PRDM2: variants seen among roughly 807,000 people sequenced by gnomAD.
PRDM2 encodes PR/SET domain 2, also known as PR domain zinc finger protein 2.
Under a neutral mutation model 130.0 loss-of-function variants are expected in PRDM2, and 30 were observed. That is an observed-to-expected ratio of 0.23 (90% CI 0.17 to 0.31). PRDM2 has a LOEUF of 0.31. Ranked by LOEUF, PRDM2 falls within the 10% of genes least tolerant of loss-of-function variation. The pLI is 1.00. For synonymous variants in PRDM2, 871 were observed against 782.4 expected, an observed-to-expected ratio of 1.11 and a Z score of -1.89; for missense variants, 2,011 against 2,108.4, an observed-to-expected ratio of 0.95 and a Z score of 0.90.
At chr1:13,817,183 G>A (rs138619164) in intron 9 of PRDM2, among the ~76,000 whole-genome samples, 18 of 152,292 alleles carry the variant, frequency 1.2e-4, no homozygotes, top group Admixed American at 8.5e-4. Context: ...TCATTGGAGC[G>A]TTTCAGGTTT....
At chr1:13,790,892 T>A (rs1458469786) in intron 8 of PRDM2, among the ~76,000 whole-genome samples, 2 of 152,054 alleles carry the variant, frequency 1.3e-5, no homozygotes, top group East Asian at 3.9e-4. Flanking sequence ...CTGAGAAGCT[T>A]TAGGGTGGAT....
At chr1:13,760,268 A>T (rs557008026) in intron 6 of PRDM2, among the ~76,000 whole-genome samples, 1 of 152,252 alleles carries the variant, frequency 6.6e-6, no homozygotes, top group African/African-American at 2.4e-5. Context: ...GAATTGGTGA[A>T]CTTTGTTTTC....
chr1:13,810,547 T>G (rs929233638), intron 8 of PRDM2, among the ~76,000 whole-genome samples: 1 of 151,324 alleles, frequency 6.6e-6, no homozygotes, highest in Non-Finnish European at 1.5e-5. Flanking sequence ...CAGGCTGGAG[T>G]GCAGTGGCAC....
intron 6 of PRDM2, among the ~76,000 whole-genome samples, chr1:13,761,032 T>G (rs141545521): frequency 6.6e-6 from 1 of 152,382 alleles, no homozygotes; most frequent in Non-Finnish European, 1.5e-5. Flanking sequence ...ATTCTTCATG[T>G]GCAAGAAACC....
At chr1:13,754,184 C>T (rs570221934) in intron 6 of PRDM2, among the ~76,000 whole-genome samples, 4 of 152,154 alleles carry the variant, frequency 2.6e-5, no homozygotes, top group African/African-American at 4.8e-5. Flanking sequence ...TAGAAACCTA[C>T]ATGAGTATTT....
At chr1:13,788,315 G>A (rs889165284) in intron 8 of PRDM2, among the ~76,000 whole-genome samples, 2 of 152,210 alleles carry the variant, frequency 1.3e-5, no homozygotes, top group Admixed American at 1.3e-4. Context: ...GAAGTACCTT[G>A]TGAACTCACT....
intron 4 of PRDM2, among the ~76,000 whole-genome samples, chr1:13,736,745 C>T (rs1468494119): frequency 6.6e-6 from 1 of 151,250 alleles, no homozygotes; most frequent in Non-Finnish European, 1.5e-5. Context: ...TTCTTGCCAG[C>T]CTTTTAAAAT....
chr1:13,752,169 C>T (rs913093206), intron 6 of PRDM2, among the ~76,000 whole-genome samples: 1 of 152,172 alleles, frequency 6.6e-6, no homozygotes, highest in East Asian at 1.9e-4. Flanking sequence ...AATAAATATT[C>T]ATTGATTGGC....
intron 6 of PRDM2, among the ~76,000 whole-genome samples, chr1:13,752,295 A>G (rs190943194): frequency 6.6e-6 from 1 of 152,236 alleles, no homozygotes; most frequent in Non-Finnish European, 1.5e-5. Flanking sequence ...ATGGATATAC[A>G]TCAGCATTTT....
intron 8 of PRDM2, chr1:13,787,357 A>G: frequency 1.0e-6 from 1 of 985,096 alleles, no homozygotes; most frequent in Non-Finnish European, 1.2e-6. Context: ...GATTAAAAAC[A>G]ACAAATTGGC....
rs144820187 is a variant in PRDM2 at position 13,782,434 on chromosome 1, C to A, written c.4639C>A (p.Pro1547Thr). The change falls in exon 8 of 10, where the codon CCC becomes ACC. Residue 1547 changes from proline to threonine, a missense_variant. By Grantham distance (38) the Pro-to-Thr change is conservative. Transcript: ENST00000311066. Reference protein sequence around the residue: ...RSSGPTQVPLPSSSFRSKQNV... With the variant: ...RSSGPTQVPLTSSSFRSKQNV... The stretch of plus-strand genomic sequence containing the variant: ...CTCAGGCCCCACCCAAGTCCCACTT[C>A]CCTCCTCATCCTTCAGGTCCAAGCA... The A allele has an allele frequency of 1.5e-5, 24 of 1,614,048 alleles. No individual in the cohort carries two copies. Among genetic ancestry groups the A allele is most frequent in the Non-Finnish European group, 2.0e-5 (24 of 1,180,026 alleles).
At chr1:13,703,142 G>A (rs1343089088) in intron 1 of PRDM2, among the ~76,000 whole-genome samples, 1 of 152,238 alleles carries the variant, frequency 6.6e-6, no homozygotes, top group Non-Finnish European at 1.5e-5. Context: ...TTTATGGAGT[G>A]TCTGAAAGCT....
chr1:13,797,739 G>A (rs920081432), intron 8 of PRDM2, among the ~76,000 whole-genome samples: 5 of 152,066 alleles, frequency 3.3e-5, no homozygotes, highest in South Asian at 2.1e-4. Context: ...AAATCACCTG[G>A]GTGATTAAAA....
At chr1:13,755,764 G>A (rs1052327892) in intron 6 of PRDM2, among the ~76,000 whole-genome samples, 18 of 151,836 alleles carry the variant, frequency 1.2e-4, no homozygotes, top group Admixed American at 2.0e-4. Context: ...AGAGAGGAGG[G>A]TGTAGTTATT....
chr1:13,709,558 T>A (rs1642306869), intron 1 of PRDM2, among the ~76,000 whole-genome samples: 1 of 152,204 alleles, frequency 6.6e-6, no homozygotes, highest in Non-Finnish European at 1.5e-5. Context: ...TGCTAAAAGC[T>A]GCATCATCTC....
chr1:13,814,105 G>A (rs1233338794), intron 8 of PRDM2, among the ~76,000 whole-genome samples: 1 of 152,272 alleles, frequency 6.6e-6, no homozygotes, highest in Non-Finnish European at 1.5e-5. Context: ...GTTTCTTATT[G>A]CCCAACAGGA....
intron 4 of PRDM2, among the ~76,000 whole-genome samples, chr1:13,740,579 G>A (rs1643408075): frequency 6.6e-6 from 1 of 152,202 alleles, no homozygotes; most frequent in South Asian, 2.1e-4. Flanking sequence ...GGAAGGCAGT[G>A]ATACACAGAA....
chr1:13,767,307 G>A (rs190002684), intron 6 of PRDM2, among the ~76,000 whole-genome samples: 1 of 150,616 alleles, frequency 6.6e-6, no homozygotes, highest in African/African-American at 2.4e-5. Flanking sequence ...TTAAGTCTTT[G>A]TTTTGTTTTT....
intron 2 of PRDM2, among the ~76,000 whole-genome samples, chr1:13,727,823 A>G (rs1363197742): frequency 6.6e-6 from 1 of 152,232 alleles, no homozygotes; most frequent in Non-Finnish European, 1.5e-5. Context: ...CCAGGATCAA[A>G]TTGTGATTCT....
Sources: gnomAD v4.1 joint callset for allele counts (sites outside exome capture counted in the v4.1 genomes callset) on GRCh38, gnomAD v4.1.1 for gene constraint, MANE v1.5 for transcripts, NCBI Gene and HGNC (gene_info 2026-07-23, HGNC 2026-07-21) for gene names.